Variants in ABCC9 observed in about 807,000 individuals in gnomAD.
ABCC9 encodes ATP-binding cassette sub-family C member 9.
Under a neutral mutation model 188.3 loss-of-function variants are expected in ABCC9, and 95 were observed. The ratio of observed to expected loss-of-function variants is 0.50; its 90% CI spans 0.43 to 0.60. ABCC9 has a LOEUF of 0.60. ABCC9 is among the 20% of genes least tolerant of loss of function. The pLI, the probability that ABCC9 is intolerant of heterozygous loss-of-function variation, is 0.00. For synonymous variants in ABCC9, 659 were observed against 652.7 expected (o/e 1.01, Z -0.15); for missense variants, 1,102 against 1,876.3 (o/e 0.59, Z 7.62).
chr12:21,802,650 G>A (rs1448367784), intron 39 of ABCC9, among the ~76,000 whole-genome samples: 1 of 152,068 alleles, frequency 6.6e-6, no homozygotes, highest in Admixed American at 6.6e-5. Context: ...AGCCACATGT[G>A]GCCAGGGGCT....
At chr12:21,833,139 G>T (rs1205941380) in intron 30 of ABCC9, among the ~76,000 whole-genome samples, 1 of 152,136 alleles carries the variant, frequency 6.6e-6, no homozygotes, top group Non-Finnish European at 1.5e-5. Context: ...TGGAAGAGGG[G>T]TGAGGAATAA....
intron 18 of ABCC9, among the ~76,000 whole-genome samples, chr12:21,871,337 C>T (rs973498727): frequency 6.6e-6 from 1 of 152,118 alleles, no homozygotes; most frequent in African/African-American, 2.4e-5. Context: ...TCACTGAGCT[C>T]TCTGCTGGGT....
chr12:21,845,920 A>G (rs1279011400), intron 25 of ABCC9, 88 bp from the exon 26 acceptor site: 7 of 972,372 alleles, frequency 7.2e-6, no homozygotes, highest in Non-Finnish European at 9.5e-6. Context: ...ATAAACATTC[A>G]TACATTTATA....
intron 22 of ABCC9, among the ~76,000 whole-genome samples, chr12:21,855,155 A>G (rs1020610539): frequency 6.6e-6 from 1 of 152,176 alleles, no homozygotes; most frequent in African/African-American, 2.4e-5. Flanking sequence ...ATAAGACATG[A>G]ATTGAAAATA....
At chr12:21,823,112 A>G (rs1043881512) in intron 31 of ABCC9, among the ~76,000 whole-genome samples, 2 of 152,186 alleles carry the variant, frequency 1.3e-5, no homozygotes, top group Non-Finnish European at 2.9e-5. Context: ...GGGAGACTCA[A>G]CTTAGGAAAC....
At position 21,906,014 on chromosome 12, in the gene ABCC9, A is replaced by T. The variant is rs991381318; in HGVS notation, c.1618+112T>A. On this transcript the variant is annotated intron_variant, in intron 12 of 39. Coordinates refer to ENST00000261200, the MANE Select transcript of ABCC9 (RefSeq NM_020297.4). ...GACAGCACGTGTTTAGAAAATAAAT[A>T]GGTGTCCTTGAAGAACTAGAATGTT... The T allele has an allele frequency of 5.0e-6, 6 of 1,201,848 alleles. No individual in the cohort carries two copies. In the African/African-American group the frequency reaches 7.5e-5, roughly 15 times the overall value. The allele number at this position is 1,201,848 out of a possible 1,614,324, so 74.4% of individuals were successfully genotyped here.
intron 16 of ABCC9, among the ~76,000 whole-genome samples, chr12:21,877,733 A>T (rs184109580): frequency 3.9e-5 from 6 of 152,290 alleles, no homozygotes; most frequent in Admixed American, 2.0e-4. Flanking sequence ...GTGGGAATAG[A>T]GTGGTGACAG....
intron 21 of ABCC9, 138 bp from the exon 22 acceptor site, chr12:21,859,804 G>T: frequency 1.3e-6 from 1 of 792,142 alleles, no homozygotes. Context: ...AGTAACATTG[G>T]TAAGAAAACA....
chr12:21,832,072 C>T (rs3782667), intron 30 of ABCC9, among the ~76,000 whole-genome samples: 48,523 of 152,046 alleles, frequency 0.32, 8,868 homozygotes, highest in Middle Eastern at 0.49. Flanking sequence ...GGCAAGAAAC[C>T]TTCTGTTTTC....
intron 18 of ABCC9, among the ~76,000 whole-genome samples, chr12:21,870,747 C>A (rs139094521): frequency 6.6e-6 from 1 of 151,594 alleles, no homozygotes; most frequent in Admixed American, 6.6e-5. Context: ...ATTATTTAAA[C>A]AATATTTAAA....
At chr12:21,861,328 T>C (rs1945498247) in intron 20 of ABCC9, among the ~76,000 whole-genome samples, 1 of 151,676 alleles carries the variant, frequency 6.6e-6, no homozygotes, top group African/African-American at 2.4e-5. Flanking sequence ...CCACCTGGGC[T>C]CAAGTGATTC....
At chr12:21,833,746 A>G (rs1943907671) in intron 30 of ABCC9, among the ~76,000 whole-genome samples, 1 of 152,140 alleles carries the variant, frequency 6.6e-6, no homozygotes, top group Non-Finnish European at 1.5e-5. Flanking sequence ...TAGAGGAGCT[A>G]TGTACCAAAT....
At chr12:21,846,830 G>A (rs904840173) in intron 25 of ABCC9, among the ~76,000 whole-genome samples, 2 of 152,038 alleles carry the variant, frequency 1.3e-5, no homozygotes, top group African/African-American at 4.8e-5. Context: ...ATTTAAAGTT[G>A]TCCATGGCTG....
rs185060409 is a variant in ABCC9 at position 21,927,843 on chromosome 12, A to T, written c.285-1780T>A. On this transcript the variant is annotated intron_variant, in intron 4 of 39. Transcript: ENST00000261200. ...CTACCACCTCCTGTAAATAGATCAA[A>T]ATCATCAGAGGAAAAAATAGATAAC... Among the ~76,000 whole-genome samples the T allele has an allele frequency of 1.1e-3, 167 of 152,324 alleles. 2 individuals carry two copies. The highest frequency in any genetic ancestry group is 5.3e-4 in the Non-Finnish European group (36 of 68,028).
At chr12:21,915,514 A>ATATATATATATATATAT in intron 7 of ABCC9, among the ~76,000 whole-genome samples, 154 bp downstream of exon 7, 2 of 3,520 alleles carry the variant, frequency 5.7e-4, no homozygotes, top group Non-Finnish European at 9.3e-4. Context: ...ATATATATAT[A>ATATATATATATATATAT]TTTTTTTTTT....
intron 6 of ABCC9, 115 bp from the exon 7 acceptor site, chr12:21,916,025 T>A: frequency 2.1e-6 from 2 of 963,014 alleles, no homozygotes; most frequent in Non-Finnish European, 3.1e-6. Context: ...ATTTATATTT[T>A]AATGCCTCCT....
intron 18 of ABCC9, among the ~76,000 whole-genome samples, chr12:21,868,308 C>G (rs1297549100): frequency 6.6e-6 from 1 of 152,136 alleles, no homozygotes; most frequent in Non-Finnish European, 1.5e-5. Flanking sequence ...GTACTTTACT[C>G]GATTTTGTTC....
intron 31 of ABCC9, among the ~76,000 whole-genome samples, chr12:21,821,343 G>C (rs916795110): frequency 6.6e-6 from 1 of 152,080 alleles, no homozygotes; most frequent in Non-Finnish European, 1.5e-5. Flanking sequence ...AGTGTTATGA[G>C]TTATTTCCTT....
At chr12:21,860,091 T>TA (rs34184072) in intron 21 of ABCC9, among the ~76,000 whole-genome samples, 91,409 of 150,782 alleles carry the variant, frequency 0.61, 28,045 homozygotes, top group East Asian at 0.71. Context: ...ACTTACACTT[T>TA]AAAAAAAAAA....
Sources: allele counts gnomAD v4.1 joint callset (sites outside exome capture counted in the v4.1 genomes callset), GRCh38; gene constraint gnomAD v4.1.1; transcripts MANE v1.5; gene names NCBI Gene and HGNC (gene_info 2026-07-23, HGNC 2026-07-21).